NPRL2: variants seen among roughly 807,000 people sequenced by gnomAD.
NPRL2 encodes GATOR1 complex protein NPRL2.
Under a neutral mutation model 51.1 loss-of-function variants are expected in NPRL2, and 21 were observed. The ratio of observed to expected loss-of-function variants is 0.41; its 90% CI spans 0.29 to 0.59. The LOEUF (loss-of-function observed/expected upper bound fraction) is 0.59. NPRL2 is among the 20% of genes least tolerant of loss of function. The pLI is 0.29. For synonymous variants in NPRL2, 175 were observed against 187.8 expected (o/e 0.93, Z 0.56); for missense variants, 376 against 483.4 (o/e 0.78, Z 2.08).
Position 50,348,101 on chromosome 3 carries a change from G to A in NPRL2, c.932+23C>T. 2 of 1,611,892 alleles carry A rather than the reference G, an allele frequency of 1.2e-6. No homozygotes were observed. Among genetic ancestry groups the A allele is most frequent in the Non-Finnish European group, 1.7e-6 (2 of 1,178,228 alleles). ...AGCTTCCCTCAGGTAACTCCCAAATGCCCCAGCAAATTCTCCTCTGACCGT... is the reference window on the plus strand; with the variant it reads ...AGCTTCCCTCAGGTAACTCCCAAATACCCCAGCAAATTCTCCTCTGACCGT... On this transcript the variant is annotated intron_variant, in intron 9 of 10. Coordinates refer to ENST00000232501, the MANE Select transcript of NPRL2 (RefSeq NM_006545.5). This position sits in a 1 kb window ranked among gnomAD's most constrained non-coding sequence, Gnocchi z 5.8.
chr3:50,349,761 G>A lies in NPRL2; in HGVS notation c.243C>T (p.Leu81=), dbSNP rs1422201812. 2 of 1,613,986 alleles carry A rather than the reference G, an allele frequency of 1.2e-6. No homozygotes were observed. Among genetic ancestry groups the A allele is most frequent in the East Asian group, 2.2e-5 (1 of 44,874 alleles). ...CACACACGAAGCCCAGGTTGAAGAG[G>A]AGAGCATTGCGGCTGTACTTCTTGT... ...IEHKKYSRNA[L]LFNLGFVCDA... Residue 81 remains leucine (L), a synonymous_variant, in exon 3 of 11, where the codon CTC becomes CTT. Coordinates refer to ENST00000232501, the MANE Select transcript of NPRL2 (RefSeq NM_006545.5). This position sits in a 1 kb window ranked among gnomAD's most constrained non-coding sequence, Gnocchi z 4.6.
rs1703649884 is a variant in NPRL2 at position 50,348,881 on chromosome 3, G to A, written c.578C>T (p.Thr193Ile). 1 of 1,614,058 alleles carries A rather than the reference G, an allele frequency of 6.2e-7. No homozygotes were observed. Among genetic ancestry groups the A allele is most frequent in the Non-Finnish European group, 8.5e-7 (1 of 1,180,020 alleles). Residue 193 changes from threonine (T) to isoleucine (I), a missense_variant, in exon 5 of 11, where the codon ACA becomes ATA. Transcript: ENST00000232501. This position sits in a 1 kb window ranked among gnomAD's most constrained non-coding sequence, Gnocchi z 5.8. Reference protein sequence around the residue: ...DFFNSQWDLTTQQILPYIDGF... With the variant: ...DFFNSQWDLTIQQILPYIDGF... Reference sequence around the variant, plus strand: ...CAGGGAGGGATGGCATACTTGTTGTGTAGTGAGGTCCCACTGTGAGTTGAA... The same window carrying A: ...CAGGGAGGGATGGCATACTTGTTGTATAGTGAGGTCCCACTGTGAGTTGAA...
Position 50,350,708 on chromosome 3 carries a change from A to G in NPRL2, c.-56T>C. ...TCGTTCCTCGCGCAGAGGCGTCCCC[A>G]CCTCCTGTGAACACTTGTCAGAGAC... is the stretch of plus-strand genomic sequence containing the variant. On this transcript the variant is annotated 5_prime_UTR_variant, in exon 1 of 11. Coordinates refer to ENST00000232501, the MANE Select transcript of NPRL2 (RefSeq NM_006545.5). The surrounding 1 kb of genome is among the most constrained non-coding windows in gnomAD (Gnocchi z 5.7). 2 of 1,552,692 alleles carry G rather than the reference A, an allele frequency of 1.3e-6. No individual in the cohort carries two copies. The highest frequency in any genetic ancestry group is 1.7e-6 in the Non-Finnish European group (2 of 1,149,756).
rs956854368 is a variant in NPRL2, at chr3:50,347,960, C to A, written c.933-59G>T. 2.5e-6 allele frequency: 4 copies of A among 1,608,652 alleles called. No homozygotes were observed. In the East Asian group the frequency reaches 8.9e-5, roughly 36 times the overall value. ...TGGCCAGGCCTTCTTTCAGGCAGGC[C>A]AACCCTTTCCTGTAGTCTCCCTTCA... On this transcript the variant is annotated intron_variant, in intron 9 of 10. Coordinates refer to ENST00000232501, the MANE Select transcript of NPRL2 (RefSeq NM_006545.5).
At position 50,349,008 on chromosome 3, in the gene NPRL2, C is replaced by T. The variant is rs1452759164; in HGVS notation, c.451G>A (p.Glu151Lys). The T allele has an allele frequency of 6.2e-7, 1 of 1,613,046 alleles. No individual in the cohort carries two copies. Among genetic ancestry groups the T allele is most frequent in the African/African-American group, 1.3e-5 (1 of 74,894 alleles). Residue 151 changes from glutamate (E) to lysine (K), a missense_variant and splice_region_variant, in exon 5 of 11, where the codon GAG becomes AAG. Coordinates refer to ENST00000232501, the MANE Select transcript of NPRL2 (RefSeq NM_006545.5). The surrounding 1 kb of genome is among the most constrained non-coding windows in gnomAD (Gnocchi z 4.6). The part of the protein sequence containing the change: ...ASGRCTLPID[E>K]SNTIHLKVIE... ...ACCTTCAAGTGGATGGTGTTGGACT[C>T]ATCTGCAGGGGGCCCCATCCATATC...
At position 50,348,062 on chromosome 3, in the gene NPRL2, GAC is replaced by G; in HGVS notation, c.932+60_932+61del. 6.3e-7 allele frequency: 1 copy of G among 1,594,340 alleles called. No homozygotes were observed. Among genetic ancestry groups the G allele is most frequent in the Non-Finnish European group, 8.6e-7 (1 of 1,163,118 alleles). On this transcript the variant is annotated intron_variant, in intron 9 of 10. Coordinates refer to ENST00000232501, the MANE Select transcript of NPRL2 (RefSeq NM_006545.5). This position sits in a 1 kb window ranked among gnomAD's most constrained non-coding sequence, Gnocchi z 5.8. ...GCCCCATGATCCAGGGCTCCTGAGA[GAC>G]ATAAAGGGTCTAGCTTCCCTCAGGT...
Position 50,350,010 on chromosome 3 carries a change from A to T in NPRL2, c.91T>A (p.Phe31Ile). 1.2e-6 allele frequency: 2 copies of T among 1,613,720 alleles called. No homozygotes were observed. Among genetic ancestry groups the T allele is most frequent in the Non-Finnish European group, 1.7e-6 (2 of 1,179,942 alleles). ...GTGTCAAACAGCTCTCGGGAGATGA[A>T]GTCTTCAGGGACCTGGGGAGGGGAG... ...PKITYQVPED[F>I]ISRELFDTVQ... The change falls in exon 2 of 11, where the codon TTC becomes ATC. Residue 31 changes from phenylalanine to isoleucine, a missense_variant. Phe to Ile is a conservative substitution (Grantham distance 21). Transcript: ENST00000232501. This position sits in a 1 kb window ranked among gnomAD's most constrained non-coding sequence, Gnocchi z 5.7.
At position 50,348,088 on chromosome 3, in the gene NPRL2, G is replaced by A. The variant is rs1483358164; in HGVS notation, c.932+36C>T. The A allele has an allele frequency of 6.2e-7, 1 of 1,608,976 alleles. No individual in the cohort carries two copies. Among genetic ancestry groups the A allele is most frequent in the Non-Finnish European group, 8.5e-7 (1 of 1,175,662 alleles). ...ACATAAAGGGTCTAGCTTCCCTCAG[G>A]TAACTCCCAAATGCCCCAGCAAATT... On this transcript the variant is annotated intron_variant, in intron 9 of 10. Transcript: ENST00000232501. This position sits in a 1 kb window ranked among gnomAD's most constrained non-coding sequence, Gnocchi z 5.8.
rs1261467647 is a variant in NPRL2 at position 50,350,731 on chromosome 3, G to A, written c.-79C>T. Reference sequence around the variant, plus strand: ...CCACCTCCTGTGAACACTTGTCAGAGACAGCCTCGAGGCCTGTGTCGCTGG... The same window carrying A: ...CCACCTCCTGTGAACACTTGTCAGAAACAGCCTCGAGGCCTGTGTCGCTGG... On this transcript the variant is annotated 5_prime_UTR_variant, in exon 1 of 11. Transcript: ENST00000232501. This position sits in a 1 kb window ranked among gnomAD's most constrained non-coding sequence, Gnocchi z 5.7. The A allele has an allele frequency of 4.6e-6, 7 of 1,530,582 alleles. No individual in the cohort carries two copies. The Admixed American group carries it at 6.0e-5, about 13-fold the overall frequency. The allele number at this position is 1,530,582 out of a possible 1,614,324, so 94.8% of individuals were successfully genotyped here.
rs368525278 is a variant in NPRL2, at chr3:50,348,092, C to T, written c.932+32G>A. On this transcript the variant is annotated intron_variant, in intron 9 of 10. Transcript: ENST00000232501. This position sits in a 1 kb window ranked among gnomAD's most constrained non-coding sequence, Gnocchi z 5.8. ...AAAGGGTCTAGCTTCCCTCAGGTAACTCCCAAATGCCCCAGCAAATTCTCC... is the reference window on the plus strand; with the variant it reads ...AAAGGGTCTAGCTTCCCTCAGGTAATTCCCAAATGCCCCAGCAAATTCTCC... 1.2e-6 allele frequency: 2 copies of T among 1,611,006 alleles called. No homozygotes were observed. Among genetic ancestry groups the T allele is most frequent in the Non-Finnish European group, 1.7e-6 (2 of 1,177,422 alleles).
chr3:50,349,552 G>A lies in NPRL2; in HGVS notation c.340-58C>T. 4 of 1,611,742 alleles carry A rather than the reference G, an allele frequency of 2.5e-6. No individual in the cohort carries two copies. The South Asian group carries it at 4.4e-5, about 18-fold the overall frequency. ...TCCCAGGACCCCTGGCTGGTTGGCT[G>A]CCCTGAGTCCTGAGCTGGTTTGCAG... On this transcript the variant is annotated intron_variant, in intron 3 of 10. Coordinates refer to ENST00000232501, the MANE Select transcript of NPRL2 (RefSeq NM_006545.5). This position sits in a 1 kb window ranked among gnomAD's most constrained non-coding sequence, Gnocchi z 4.6.
rs1703708111 is a variant in NPRL2, at chr3:50,350,156, A to G, written c.79-134T>C. On this transcript the variant is annotated intron_variant, in intron 1 of 10. Transcript: ENST00000232501. The surrounding 1 kb of genome is among the most constrained non-coding windows in gnomAD (Gnocchi z 5.7). ...CCCTCTCTCCCATCCACTCAGGCCT[A>G]TTACTTCTTTCTGTTTCCAAACATA... The G allele has an allele frequency of 2.9e-6, 2 of 694,750 alleles. No homozygotes were observed. The highest frequency in any genetic ancestry group is 2.6e-5 in the East Asian group (1 of 38,732). 43.0% of individuals were successfully genotyped at this position (694,750 alleles called of 1,614,324 possible).
Position 50,349,083 on chromosome 3 carries a change from A to G in NPRL2, c.449-73T>C, listed in dbSNP as rs1331655981. The stretch of plus-strand genomic sequence containing the variant: ...TCCTCAATTACCATCCAGGCCTCCC[A>G]GCATCCCTTGGGGCAAGCAGGTGCC... On this transcript the variant is annotated intron_variant, in intron 4 of 10. Transcript: ENST00000232501. This position sits in a 1 kb window ranked among gnomAD's most constrained non-coding sequence, Gnocchi z 4.6. 3 of 1,558,218 alleles carry G rather than the reference A, an allele frequency of 1.9e-6. No individual in the cohort carries two copies. Among genetic ancestry groups the G allele is most frequent in the Non-Finnish European group, 2.6e-6 (3 of 1,148,904 alleles).
In NPRL2 at chr3:50,349,147, A is replaced by G; in HGVS notation, c.449-137T>C. ...AATCTTTCTCTTTTTATGGAGTGAG[A>G]AACGGAGGCCCACAAAGGGGAAGGA... On this transcript the variant is annotated intron_variant, in intron 4 of 10. Transcript: ENST00000232501. The surrounding 1 kb of genome is among the most constrained non-coding windows in gnomAD (Gnocchi z 4.6). 8.9e-7 allele frequency: 1 copy of G among 1,120,732 alleles called. No individual in the cohort carries two copies. The highest frequency in any genetic ancestry group is 1.3e-6 in the Non-Finnish European group (1 of 797,590). The allele number at this position is 1,120,732 out of a possible 1,614,324, so 69.4% of individuals were successfully genotyped here. A position where few individuals can be genotyped will look rare whatever the true frequency, so the allele number is the denominator to read the frequency against.
rs1336061263 is a variant in NPRL2, at chr3:50,349,420, C to G, written c.414G>C (p.Glu138Asp). 1 of 1,613,774 alleles carries G rather than the reference C, an allele frequency of 6.2e-7. No individual in the cohort carries two copies. The highest frequency in any genetic ancestry group is 8.5e-7 in the Non-Finnish European group (1 of 1,180,018). ...LVPIMTILLE[E>D]LNASGRCTLP... is the part of the protein sequence containing the mutation. The stretch of plus-strand genomic sequence containing the variant: ...GAGTGCACCGGCCTGAGGCATTTAG[C>G]TCCTCCAGCAAGATGGTCATGATGG... The change falls in exon 4 of 11, where the codon GAG (glutamate) becomes GAC (aspartate). Residue 138 changes from glutamate to aspartate, a missense_variant. Coordinates refer to ENST00000232501, the MANE Select transcript of NPRL2 (RefSeq NM_006545.5). The surrounding 1 kb of genome is among the most constrained non-coding windows in gnomAD (Gnocchi z 4.6).
At position 50,349,971 on chromosome 3, in the gene NPRL2, T is replaced by C; in HGVS notation, c.130A>G (p.Ile44Val). The C allele has an allele frequency of 1.9e-6, 3 of 1,613,938 alleles. No homozygotes were observed. The highest frequency in any genetic ancestry group is 2.5e-6 in the Non-Finnish European group (3 of 1,180,002). Residue 44 changes from isoleucine (I) to valine (V), a missense_variant, in exon 2 of 11, where the codon ATC becomes GTC. Coordinates refer to ENST00000232501, the MANE Select transcript of NPRL2 (RefSeq NM_006545.5). This position sits in a 1 kb window ranked among gnomAD's most constrained non-coding sequence, Gnocchi z 4.6. The stretch of plus-strand genomic sequence containing the variant: ...TTCTGCAGCTCTGGCTTGGTGATGA[T>C]GTACACTTGGACTGTGTCAAACAGC... ...RELFDTVQVY[I>V]ITKPELQNKL... is the part of the protein sequence containing the mutation.
chr3:50,349,704 G>T lies in NPRL2; in HGVS notation c.300C>A (p.Pro100=). The T allele has an allele frequency of 6.2e-7, 1 of 1,613,672 alleles. No homozygotes were observed. The highest frequency in any genetic ancestry group is 8.5e-7 in the Non-Finnish European group (1 of 1,179,844). Residue 100 remains proline, a synonymous_variant, in exon 3 of 11, where the codon CCC becomes CCA. Transcript: ENST00000232501. This position sits in a 1 kb window ranked among gnomAD's most constrained non-coding sequence, Gnocchi z 4.6. ...GATAGCCAGCCAGCTTTTTAACAAT[G>T]GGCTCGAGGGCGCAGGTCTTGGCCT... The part of the protein sequence containing the change: ...DAQAKTCALE[P]IVKKLAGYLT...
In NPRL2 at chr3:50,347,870, G is replaced by A. The variant is rs755734699; in HGVS notation, c.964C>T (p.Leu322Phe). The change falls in exon 10 of 11, where the codon CTC becomes TTC. Residue 322 changes from leucine to phenylalanine, a missense_variant. Leu to Phe is a conservative substitution (Grantham distance 22). Coordinates refer to ENST00000232501, the MANE Select transcript of NPRL2 (RefSeq NM_006545.5). ...KLIQFGLMKN[L>F]IRRLQKYPVR... is the part of the protein sequence containing the mutation. ...GGATACTTCTGTAGTCGCCTGATGA[G>A]GTTCTTCATAAGCCCGAACTGGATC... 15 of 1,614,098 alleles carry A rather than the reference G, an allele frequency of 9.3e-6. No individual in the cohort carries two copies. Among genetic ancestry groups the A allele is most frequent in the Non-Finnish European group, 1.2e-5 (14 of 1,180,046 alleles).
chr3:50,348,443 T>TG lies in NPRL2; in HGVS notation c.721-34dup, dbSNP rs781032949. 3 of 1,613,204 alleles carry TG rather than the reference T, an allele frequency of 1.9e-6. No homozygotes were observed. Among genetic ancestry groups the TG allele is most frequent in the African/African-American group, 2.7e-5 (2 of 74,870 alleles). ...GTAGCAGAAGGCATAGGGGCCTGAG[T>TG]GAGGGGCTTGGGAAGCTGACACAGC... On this transcript the variant is annotated intron_variant, in intron 7 of 10. Transcript: ENST00000232501. This position sits in a 1 kb window ranked among gnomAD's most constrained non-coding sequence, Gnocchi z 5.8.
Sources: allele counts gnomAD v4.1 joint callset, GRCh38; gene constraint gnomAD v4.1.1; non-coding constraint Gnocchi (gnomAD v3.1); transcripts MANE v1.5; gene names NCBI Gene and HGNC (gene_info 2026-07-23, HGNC 2026-07-21).